Variants in ANK2 observed in about 807,000 individuals in gnomAD.
The protein encoded by ANK2 is ankyrin 2, also known as ankyrin-2.
A neutral mutation model predicts 360.5 loss-of-function variants in ANK2; 83 were observed. The ratio of observed to expected loss-of-function variants is 0.23; its 90% confidence interval spans 0.19 to 0.28. ANK2 has a LOEUF of 0.28. ANK2 is among the 10% of genes least tolerant of loss of function. The probability of loss-of-function intolerance (pLI) is 1.00; values close to 1 mark genes in which losing one functional copy is unlikely to be tolerated. For synonymous variants in ANK2, 1,740 were observed against 1,759.5 expected, an observed-to-expected ratio of 0.99 and a Z score of 0.28; for missense variants, 4,201 against 4,795.7, an observed-to-expected ratio of 0.88 and a Z score of 3.66.
At chr4:113,160,097 TA>T (rs2097463678) in intron 1 of ANK2, among the ~76,000 whole-genome samples, 1 of 152,216 alleles carries the variant, frequency 6.6e-6, no homozygotes, top group Non-Finnish European at 1.5e-5. Flanking sequence ...AGTGTATTAC[TA>T]AATTCATTAG....
chr4:113,214,551 C>T (rs1344950510), intron 4 of ANK2: 2 of 543,452 alleles, frequency 3.7e-6, no homozygotes, highest in South Asian at 2.4e-5. Flanking sequence ...ATATTCAATA[C>T]CATGAATCAC....
In ANK2 at chr4:113,282,756, A is replaced by G. The variant is rs761358506; in HGVS notation, c.1963A>G (p.Thr655Ala). 2 of 1,613,946 alleles carry G rather than the reference A, an allele frequency of 1.2e-6. No homozygotes were observed. The highest frequency in any genetic ancestry group is 1.1e-5 in the South Asian group (1 of 91,064). Reference protein sequence around the residue: ...ASTLLNYGAETNIVTKQGVTP... With the variant: ...ASTLLNYGAEANIVTKQGVTP... Reference sequence around the variant, plus strand: ...CACACTCCTGAACTATGGAGCAGAGACAAACATTGTGACAAAGCAAGGAGT... The same window carrying G: ...CACACTCCTGAACTATGGAGCAGAGGCAAACATTGTGACAAAGCAAGGAGT... The change falls in exon 18 of 46, where the codon ACA becomes GCA. Residue 655 changes from threonine to alanine, a missense_variant. Thr to Ala is a moderately conservative substitution (Grantham distance 58). This residue lies in a region of ANK2 where 1,268 missense variants were observed against 1,650.8 expected (regional missense o/e 0.77). Coordinates refer to ENST00000357077, the MANE Select transcript of ANK2 (RefSeq NM_001148.6).
At chr4:112,848,729 TACTC>T (rs1299471261) in intron 1 of ANK2, among the ~76,000 whole-genome samples, 1 of 152,240 alleles carries the variant, frequency 6.6e-6, no homozygotes, top group Admixed American at 6.5e-5. Context: ...AGTCTTGACT[TACTC>T]ACCTTTGATC....
chr4:113,133,240 A>T (rs751136357), intron 1 of ANK2, among the ~76,000 whole-genome samples: 3 of 152,194 alleles, frequency 2.0e-5, no homozygotes, highest in Non-Finnish European at 4.4e-5. Context: ...TTGACCTTTT[A>T]TTCTGAAATT....
At chr4:112,726,497 C>T in the ANK2 span, among the ~76,000 whole-genome samples, 1 of 151,920 alleles carries the variant, frequency 6.6e-6, no homozygotes, top group African/African-American at 2.4e-5. Flanking sequence ...CCCACCCCCA[C>T]CTTGCCATTT....
chr4:113,019,412 G>A (rs2057479880), intron 2 of ANK2, among the ~76,000 whole-genome samples: 1 of 152,120 alleles, frequency 6.6e-6, no homozygotes, highest in Non-Finnish European at 1.5e-5. Context: ...CTTTTGGATA[G>A]CCTTTGATCA....
chr4:113,012,952 A>G (rs1250034375), intron 2 of ANK2, among the ~76,000 whole-genome samples: 1 of 152,170 alleles, frequency 6.6e-6, no homozygotes, highest in Non-Finnish European at 1.5e-5. Flanking sequence ...TTCTTCTTAG[A>G]ATAAGTGAAG....
At chr4:112,907,081 C>T (rs1348207797) in intron 2 of ANK2, among the ~76,000 whole-genome samples, 1 of 152,128 alleles carries the variant, frequency 6.6e-6, no homozygotes, top group Non-Finnish European at 1.5e-5. Flanking sequence ...AAATATATGT[C>T]CTTTTTGCCA....
the ANK2 span, among the ~76,000 whole-genome samples, chr4:112,805,830 C>T: frequency 6.6e-6 from 1 of 152,274 alleles, no homozygotes; most frequent in East Asian, 1.9e-4. Flanking sequence ...CTGCCTTGGC[C>T]TCCCAAAGTG....
chr4:113,086,190 T>C (rs1348197304), intron 1 of ANK2, among the ~76,000 whole-genome samples: 1 of 152,212 alleles, frequency 6.6e-6, no homozygotes, highest in Admixed American at 6.5e-5. Flanking sequence ...CCTGTTAATA[T>C]AGACACTGAC....
intron 4 of ANK2, among the ~76,000 whole-genome samples, chr4:113,205,371 A>G (rs1238000680): frequency 6.6e-6 from 1 of 150,928 alleles, no homozygotes; most frequent in African/African-American, 2.4e-5. Context: ...TCTCATAAGG[A>G]TTCTAGAAAC....
intron 2 of ANK2, among the ~76,000 whole-genome samples, chr4:113,025,340 G>T (rs539341857): frequency 6.6e-6 from 1 of 152,250 alleles, no homozygotes; most frequent in Non-Finnish European, 1.5e-5. Flanking sequence ...AGGAAGAAAG[G>T]TTGTATATGT....
chr4:112,863,988 A>G (rs1308510802), intron 1 of ANK2, among the ~76,000 whole-genome samples: 1 of 152,200 alleles, frequency 6.6e-6, no homozygotes, highest in Non-Finnish European at 1.5e-5. Context: ...AAGATGATAC[A>G]GTCAGGAATT....
At chr4:112,708,638 C>G in the ANK2 span, among the ~76,000 whole-genome samples, 5 of 152,120 alleles carry the variant, frequency 3.3e-5, no homozygotes, top group Middle Eastern at 3.4e-3. Flanking sequence ...AAAACCCTAC[C>G]CATTAGCAGG....
At chr4:113,001,440 G>A (rs755277408) in intron 2 of ANK2, among the ~76,000 whole-genome samples, 5 of 151,658 alleles carry the variant, frequency 3.3e-5, no homozygotes, top group Admixed American at 6.6e-5. Context: ...AAAGACTATA[G>A]TCAAGTGGTT....
intron 22 of ANK2, among the ~76,000 whole-genome samples, chr4:113,301,443 C>A (rs1380141548): frequency 6.6e-6 from 1 of 151,678 alleles, no homozygotes; most frequent in Non-Finnish European, 1.5e-5. Context: ...AGCTTATTAA[C>A]ATATCTATTA....
At chr4:113,302,734 C>A in intron 22 of ANK2, 33 bp from the exon 23 acceptor site, 1 of 1,569,680 alleles carries the variant, frequency 6.4e-7, no homozygotes, top group South Asian at 1.1e-5. Context: ...CTTTTGGTTT[C>A]AACTTGAACA....
intron 2 of ANK2, among the ~76,000 whole-genome samples, chr4:112,961,693 A>T (rs1020611994): frequency 6.6e-6 from 1 of 152,128 alleles, no homozygotes. Flanking sequence ...TCAATGGTCC[A>T]CTTTTAGTTA....
chr4:113,007,215 T>C (rs1457605171), intron 2 of ANK2, among the ~76,000 whole-genome samples: 1 of 152,230 alleles, frequency 6.6e-6, no homozygotes, highest in African/African-American at 2.4e-5. Context: ...TTTGAGTATT[T>C]TGTGCAGCGG....
Sources: allele counts gnomAD v4.1 joint callset (sites outside exome capture counted in the v4.1 genomes callset), GRCh38; gene constraint gnomAD v4.1.1; regional missense constraint gnomAD v4.1.1; transcripts MANE v1.5; gene names NCBI Gene and HGNC (gene_info 2026-07-23, HGNC 2026-07-21).